The following GRIP2 variants were observed in gnomAD, a reference collection of about 807,000 sequenced individuals.
GRIP2 encodes glutamate receptor-interacting protein 2.
In GRIP2, 58 loss-of-function variants were observed where a neutral mutation model predicts 108.3. The observed-to-expected ratio is 0.54, with a 90% CI of 0.43 to 0.67. The LOEUF (loss-of-function observed/expected upper bound fraction) is 0.67. GRIP2 is among the 30% of genes least tolerant of loss of function. The pLI is 0.00. For missense variants in GRIP2, 1,278 were observed against 1,430.6 expected (o/e 0.89, Z 1.72); for synonymous variants, 586 against 598.2 (o/e 0.98, Z 0.30).
At chr3:14,573,498 C>T in the GRIP2 span, 5 of 1,546,168 alleles carry the variant, frequency 3.2e-6, no homozygotes, top group Non-Finnish European at 4.5e-6. Flanking sequence ...AGGCAGGAGC[C>T]CACACACATC....
upstream of GRIP2, chr3:14,542,031 G>A (rs761248880): frequency 1.4e-5 from 19 of 1,353,544 alleles, no homozygotes; most frequent in African/African-American, 3.0e-5. Context: ...CACCCCACTC[G>A]CCTCCATTCC....
At chr3:14,546,191 C>T (rs1217364976), upstream of GRIP2, among the ~76,000 whole-genome samples, 1 of 152,074 alleles carries the variant, frequency 6.6e-6, no homozygotes, top group Non-Finnish European at 1.5e-5. Flanking sequence ...GATGAGAAGG[C>T]ACAAAGGGAG....
At chr3:14,523,761 C>A in intron 4 of GRIP2, 63 bp from the exon 5 acceptor site, 1 of 1,103,090 alleles carries the variant, frequency 9.1e-7, no homozygotes, top group South Asian at 1.3e-5. Context: ...GTAGATGTGC[C>A]CAAAGCTCAT....
chr3:14,573,185 G>A, the GRIP2 span: 1 of 1,424,282 alleles, frequency 7.0e-7, no homozygotes, highest in Non-Finnish European at 9.9e-7. Flanking sequence ...AGGCATGCCA[G>A]GGCCGCTCCA....
In GRIP2 at chr3:14,540,253, ACCC is replaced by A; in HGVS notation, c.40+13_40+15del. 3.2e-6 allele frequency: 5 copies of A among 1,568,708 alleles called. No homozygotes were observed. Among genetic ancestry groups the A allele is most frequent in the Non-Finnish European group, 4.3e-6 (5 of 1,160,154 alleles). On this transcript the variant is annotated intron_variant, in intron 1 of 23. Coordinates refer to ENST00000621039, the MANE Select transcript of GRIP2 (RefSeq NM_001080423.4). This position sits in a 1 kb window ranked among gnomAD's most constrained non-coding sequence, Gnocchi z 4.1. ...TTCAGCCCCATCACTCTGCCCACAG[ACCC>A]CCCATTACGTACCCGCCTCTCCAGG...
chr3:14,574,861 A>G, the GRIP2 span: 1 of 312,142 alleles, frequency 3.2e-6, no homozygotes, highest in African/African-American at 2.2e-5. Context: ...TGAATATCAA[A>G]AACATCATGC....
At chr3:14,525,372 G>A (rs984446239) in intron 3 of GRIP2, 65 bp downstream of exon 3, 16 of 1,577,760 alleles carry the variant, frequency 1.0e-5, no homozygotes, top group Non-Finnish European at 1.4e-5. Context: ...ATTTTCCACT[G>A]GCCCTGGGCT....
chr3:14,517,494 CTTTTTTTTTTTTT>C (rs146509076), intron 10 of GRIP2, among the ~76,000 whole-genome samples: 5 of 107,754 alleles, frequency 4.6e-5, no homozygotes, highest in Non-Finnish European at 9.0e-5. Flanking sequence ...ATCTCTCTCT[CTTTTTTTTTTTTT>C]TTTTTTTTTT....
At chr3:14,540,708 T>C (rs925052411), upstream of GRIP2, among the ~76,000 whole-genome samples, 12 of 152,134 alleles carry the variant, frequency 7.9e-5, no homozygotes, top group African/African-American at 2.9e-4. This position sits in a 1 kb window ranked among gnomAD's most constrained non-coding sequence, Gnocchi z 4.1. Context: ...ACTTTTTTTT[T>C]TTCTAAACGG....
intron 1 of GRIP2, among the ~76,000 whole-genome samples, chr3:14,526,706 T>C (rs1471768985): frequency 6.6e-6 from 1 of 152,230 alleles, no homozygotes; most frequent in African/African-American, 2.4e-5. Flanking sequence ...ATATTTTCCA[T>C]GTCTTCTTTA....
chr3:14,599,663 GTCTC>G, the GRIP2 span, among the ~76,000 whole-genome samples: 727 of 142,598 alleles, frequency 5.1e-3, 5 homozygotes, highest in African/African-American at 9.8e-3. Context: ...TGAAGCACAA[GTCTC>G]TCTCTCTCTC....
the GRIP2 span, among the ~76,000 whole-genome samples, chr3:14,601,106 G>A: frequency 6.6e-6 from 1 of 151,634 alleles, no homozygotes; most frequent in African/African-American, 2.4e-5. Flanking sequence ...ACACACACGA[G>A]GCAGGGGGTG....
At chr3:14,589,132 G>A in the GRIP2 span, among the ~76,000 whole-genome samples, 1 of 151,550 alleles carries the variant, frequency 6.6e-6, no homozygotes, top group Admixed American at 6.5e-5. Flanking sequence ...GGGGAGCCAT[G>A]CAACACCAGG....
chr3:14,522,922 G>C lies in GRIP2; in HGVS notation c.566+78C>G. 2 of 1,192,622 alleles carry C rather than the reference G, an allele frequency of 1.7e-6. No homozygotes were observed. The highest frequency in any genetic ancestry group is 2.4e-5 in the South Asian group (2 of 82,126). The allele number at this position is 1,192,622 out of a possible 1,614,324, so 73.9% of individuals were successfully genotyped here. A position where few individuals can be genotyped will look rare whatever the true frequency, so the allele number is the denominator to read the frequency against. On this transcript the variant is annotated intron_variant, in intron 6 of 23. Coordinates refer to ENST00000621039, the MANE Select transcript of GRIP2 (RefSeq NM_001080423.4). The surrounding 1 kb of genome is among the most constrained non-coding windows in gnomAD (Gnocchi z 4.3). ...TCTCTTCATCTGGGGAAGGGGCATG[G>C]TGACCCCACTCCACCTTCTTCGCAG...
upstream of GRIP2, among the ~76,000 whole-genome samples, chr3:14,546,717 TAACTGTCACCAGAG>T (rs1453984384): frequency 1.3e-5 from 2 of 152,140 alleles, no homozygotes; most frequent in African/African-American, 2.4e-5. Context: ...GTGTCCCAAC[TAACTGTCACCAGAG>T]AAGTGAAAAC....
chr3:14,498,325 T>G (rs534417545), intron 21 of GRIP2, among the ~76,000 whole-genome samples: 1 of 151,982 alleles, frequency 6.6e-6, no homozygotes, highest in African/African-American at 2.4e-5. Context: ...TAGCCAGGTG[T>G]GGTGATGCAT....
chr3:14,596,685 A>G, the GRIP2 span, among the ~76,000 whole-genome samples: 2 of 152,282 alleles, frequency 1.3e-5, no homozygotes, highest in East Asian at 3.9e-4. Flanking sequence ...GGCTGGCAGG[A>G]ATAGGAAACT....
the GRIP2 span, chr3:14,573,441 G>A: frequency 2.0e-6 from 3 of 1,465,026 alleles, no homozygotes; most frequent in Non-Finnish European, 1.9e-6. Flanking sequence ...CAGGAAGAGG[G>A]ACAGCCACAG....
At chr3:14,496,269 A>T in intron 22 of GRIP2, 148 bp downstream of exon 22, 1 of 596,902 alleles carries the variant, frequency 1.7e-6, no homozygotes, top group Non-Finnish European at 2.9e-6. Context: ...TGTCACCCAA[A>T]TGATGAGCAT....
Sources: allele counts gnomAD v4.1 joint callset (sites outside exome capture counted in the v4.1 genomes callset), GRCh38; gene constraint gnomAD v4.1.1; non-coding constraint Gnocchi (gnomAD v3.1); transcripts MANE v1.5; gene names NCBI Gene and HGNC (gene_info 2026-07-23, HGNC 2026-07-21).